The following RAB2A variants were observed in gnomAD, a reference collection of about 807,000 sequenced individuals.
The protein encoded by RAB2A is ras-related protein Rab-2A.
RAB2A carries 7 observed loss-of-function variants against 32.5 expected under a neutral mutation model. The observed-to-expected ratio is 0.22, with a 90% CI of 0.12 to 0.40. The LOEUF (loss-of-function observed/expected upper bound fraction) is 0.40, where lower values mean the gene tolerates loss of function less well. RAB2A is among the 10% of genes least tolerant of loss of function. The pLI is 1.00. For synonymous variants in RAB2A, 79 were observed against 85.2 expected (o/e 0.93, Z 0.40); for missense variants, 108 against 260.7 (o/e 0.41, Z 4.03).
intron 1 of RAB2A, among the ~76,000 whole-genome samples, chr8:60,540,934 A>C (rs574994766): frequency 6.6e-6 from 1 of 152,194 alleles, no homozygotes; most frequent in Non-Finnish European, 1.5e-5. Context: ...GCAGAAGTCA[A>C]CTCTTCTAGT....
At chr8:60,521,682 G>A (rs574265140) in intron 1 of RAB2A, among the ~76,000 whole-genome samples, 5 of 152,172 alleles carry the variant, frequency 3.3e-5, no homozygotes, top group African/African-American at 9.6e-5. Context: ...GTGCAGTGGC[G>A]CCATCTGGGT....
At chr8:60,557,137 T>G (rs1448398716) in intron 1 of RAB2A, among the ~76,000 whole-genome samples, 1 of 152,224 alleles carries the variant, frequency 6.6e-6, no homozygotes, top group Non-Finnish European at 1.5e-5. Flanking sequence ...ACTTTGGGCC[T>G]TTTGTAATAG....
At chr8:60,592,071 T>TCAAA in intron 6 of RAB2A, 102 bp downstream of exon 6, 1 of 624,518 alleles carries the variant, frequency 1.6e-6, no homozygotes, top group Non-Finnish European at 2.7e-6. Context: ...GGATGGTCTT[T>TCAAA]GAACATCATA....
intron 2 of RAB2A, among the ~76,000 whole-genome samples, chr8:60,562,641 ATACT>A (rs1218207080): frequency 2.6e-5 from 4 of 152,220 alleles, no homozygotes; most frequent in African/African-American, 9.6e-5. Flanking sequence ...TGAGGTAATG[ATACT>A]TAAAAAAATT....
intron 6 of RAB2A, among the ~76,000 whole-genome samples, chr8:60,616,598 G>C (rs1804452033): frequency 6.6e-6 from 1 of 152,262 alleles, no homozygotes; most frequent in Non-Finnish European, 1.5e-5. Flanking sequence ...CTGAAAGCCA[G>C]TTCCCTCTTC....
intron 1 of RAB2A, among the ~76,000 whole-genome samples, chr8:60,522,932 G>A (rs1166102612): frequency 6.6e-6 from 1 of 151,994 alleles, no homozygotes; most frequent in Non-Finnish European, 1.5e-5. Flanking sequence ...GCTGAATGTT[G>A]CAAAACCTGC....
At chr8:60,545,614 T>C (rs746529044) in intron 1 of RAB2A, among the ~76,000 whole-genome samples, 2 of 152,202 alleles carry the variant, frequency 1.3e-5, no homozygotes, top group Non-Finnish European at 2.9e-5. Flanking sequence ...CTACTTATAA[T>C]TGTTACCTCA....
chr8:60,607,317 T>G (rs1297495026), intron 6 of RAB2A, among the ~76,000 whole-genome samples: 1 of 150,066 alleles, frequency 6.7e-6, no homozygotes, highest in Non-Finnish European at 1.5e-5. Context: ...TAGTGCCAGT[T>G]ACTCAGGAGG....
At chr8:60,525,900 G>T (rs1807370207) in intron 1 of RAB2A, among the ~76,000 whole-genome samples, 1 of 147,416 alleles carries the variant, frequency 6.8e-6, no homozygotes. Flanking sequence ...ATATTTTTTA[G>T]TTTTTTTAAT....
chr8:60,605,854 A>ATATATATATATATATATATATAG, intron 6 of RAB2A, among the ~76,000 whole-genome samples: 1 of 77,618 alleles, frequency 1.3e-5, no homozygotes, highest in East Asian at 4.5e-4. Flanking sequence ...TATATATATA[A>ATATATATATATATATATATATAG]TGCTTCATTT....
At chr8:60,523,616 T>A (rs1340690583) in intron 1 of RAB2A, among the ~76,000 whole-genome samples, 1 of 152,198 alleles carries the variant, frequency 6.6e-6, no homozygotes, top group African/African-American at 2.4e-5. Context: ...CTTAGCTGTT[T>A]CATTTATCAA....
chr8:60,517,725 T>A (rs1807231277), intron 1 of RAB2A, among the ~76,000 whole-genome samples: 1 of 152,238 alleles, frequency 6.6e-6, no homozygotes, highest in African/African-American at 2.4e-5. Flanking sequence ...TATCAAGGCC[T>A]GGGCAAGGCG....
At chr8:60,544,143 G>A (rs918069437) in intron 1 of RAB2A, among the ~76,000 whole-genome samples, 2 of 148,592 alleles carry the variant, frequency 1.3e-5, no homozygotes, top group African/African-American at 2.5e-5. Context: ...CCAGGCTGAA[G>A]TGTAGTGGCG....
At chr8:60,544,343 A>G (rs968155488) in intron 1 of RAB2A, among the ~76,000 whole-genome samples, 1 of 151,076 alleles carries the variant, frequency 6.6e-6, no homozygotes, top group African/African-American at 2.4e-5. Context: ...CCCCAGCCCA[A>G]TTCATTTTTT....
chr8:60,548,310 G>T (rs1807776965), intron 1 of RAB2A, among the ~76,000 whole-genome samples: 1 of 7,958 alleles, frequency 1.3e-4, no homozygotes, highest in Non-Finnish European at 2.7e-4. Flanking sequence ...GGGCAGAGTG[G>T]CTCCTCACTT....
At chr8:60,559,109 A>G (rs1807981658) in intron 2 of RAB2A, 186 bp downstream of exon 2, 1 of 513,408 alleles carries the variant, frequency 1.9e-6, no homozygotes, top group African/African-American at 1.9e-5. Context: ...CTAACTTTGT[A>G]GAAGTGGTTA....
rs188617396 is a variant in RAB2A, at chr8:60,616,929, G to A, written c.475-1651G>A. ...AACAAAAGCTCTGATGGCAAGTTCA[G>A]CAGTCAAATGTTTCCAGTGTAGAAA... On this transcript the variant is annotated intron_variant, in intron 6 of 7. Transcript: ENST00000262646. 2.0e-5 allele frequency among the ~76,000 whole-genome samples: 3 copies of A among 152,300 alleles called. No individual in the cohort carries two copies. The East Asian group carries it at 5.8e-4, about 29-fold the overall frequency.
intron 6 of RAB2A, among the ~76,000 whole-genome samples, chr8:60,594,643 C>A (rs765199545): frequency 3.9e-4 from 60 of 152,146 alleles, no homozygotes; most frequent in Non-Finnish European, 7.5e-4. Context: ...GCCCTTCAAC[C>A]CCCAACAGGC....
intron 1 of RAB2A, among the ~76,000 whole-genome samples, chr8:60,525,659 A>G (rs1156916465): frequency 6.6e-6 from 1 of 152,156 alleles, no homozygotes; most frequent in Non-Finnish European, 1.5e-5. Flanking sequence ...ATTTTCAGGT[A>G]TAGCTGAGAG....
Sources: gnomAD v4.1 joint callset for allele counts (sites outside exome capture counted in the v4.1 genomes callset) on GRCh38, gnomAD v4.1.1 for gene constraint, MANE v1.5 for transcripts, NCBI Gene and HGNC (gene_info 2026-07-23, HGNC 2026-07-21) for gene names.